CCDC171: variants seen among roughly 807,000 people sequenced by gnomAD.
The protein encoded by CCDC171 is coiled-coil domain-containing protein 171.
In CCDC171, 177 loss-of-function variants were observed where a neutral mutation model predicts 168.2. That is an observed-to-expected ratio of 1.05 (90% CI 0.93 to 1.19). The LOEUF (loss-of-function observed/expected upper bound fraction) is 1.19, where lower values mean the gene tolerates loss of function less well. Ranked by LOEUF, CCDC171 falls within the 50% of genes most tolerant of loss-of-function variation. CCDC171 has a pLI of 0.00. For missense variants in CCDC171, 1,991 were observed against 1,539.0 expected, an observed-to-expected ratio of 1.29 and a Z score of -4.91; for synonymous variants, 687 against 540.8, an observed-to-expected ratio of 1.27 and a Z score of -3.75.
At chr9:15,628,938 T>C (rs528940651) in intron 7 of CCDC171, among the ~76,000 whole-genome samples, 1 of 152,290 alleles carries the variant, frequency 6.6e-6, no homozygotes, top group African/African-American at 2.4e-5. Context: ...AGTGGACCTC[T>C]AGCAAACTCC....
intron 6 of CCDC171, among the ~76,000 whole-genome samples, chr9:15,621,414 A>G (rs1036142591): frequency 1.8e-4 from 28 of 152,224 alleles, no homozygotes; most frequent in Admixed American, 1.6e-3. Flanking sequence ...ATTGCAATAT[A>G]TGCTTTATGG....
intron 21 of CCDC171, among the ~76,000 whole-genome samples, chr9:15,833,598 G>T (rs1260825010): frequency 6.6e-6 from 1 of 152,056 alleles, no homozygotes; most frequent in African/African-American, 2.4e-5. Flanking sequence ...CTTATGACTT[G>T]TATTTGCTTT....
intron 7 of CCDC171, among the ~76,000 whole-genome samples, chr9:15,629,115 G>C (rs2045446826): frequency 6.6e-6 from 1 of 152,100 alleles, no homozygotes. Context: ...ACTCTAAAAA[G>C]CAGAGCGCCT....
At chr9:15,642,862 C>A (rs1226137139) in intron 7 of CCDC171, among the ~76,000 whole-genome samples, 6 of 152,120 alleles carry the variant, frequency 3.9e-5, no homozygotes, top group South Asian at 2.1e-4. Context: ...AAAACTAGAT[C>A]ATTAATTAAC....
intron 7 of CCDC171, among the ~76,000 whole-genome samples, chr9:15,627,479 G>A (rs981563270): frequency 2.6e-5 from 4 of 151,836 alleles, no homozygotes; most frequent in African/African-American, 7.3e-5. Flanking sequence ...CCCTCTACAC[G>A]CTGGTTTGAA....
chr9:15,650,937 A>G (rs1044510356), intron 7 of CCDC171, among the ~76,000 whole-genome samples: 3 of 152,016 alleles, frequency 2.0e-5, no homozygotes, highest in South Asian at 2.1e-4. Context: ...CTACTCTGCT[A>G]TCTAACTTTA....
chr9:15,583,953 C>T (rs768178854), intron 4 of CCDC171, among the ~76,000 whole-genome samples: 10 of 152,082 alleles, frequency 6.6e-5, no homozygotes, highest in Non-Finnish European at 1.0e-4. Context: ...CTGCAACCAC[C>T]GCCTCCCGGG....
chr9:15,642,917 A>G lies in CCDC171; in HGVS notation c.823-14210A>G, dbSNP rs1476269594. Among the ~76,000 whole-genome samples the G allele has an allele frequency of 2.0e-5, 3 of 152,166 alleles. No individual in the cohort carries two copies. In the South Asian group the frequency reaches 6.2e-4, roughly 31 times the overall value. On this transcript the variant is annotated intron_variant, in intron 7 of 25. Coordinates refer to ENST00000380701, the MANE Select transcript of CCDC171 (RefSeq NM_173550.4). ...AAGTGAAAACTTGAATTTTCGATTC[A>G]TTATAGAATCACTGAATATTCTGCA...
intron 8 of CCDC171, among the ~76,000 whole-genome samples, chr9:15,663,947 C>G (rs547960468): frequency 6.6e-6 from 1 of 152,080 alleles, no homozygotes; most frequent in African/African-American, 2.4e-5. Context: ...AAAGAATAAA[C>G]TCATGTATTT....
chr9:15,630,613 TC>T (rs1388280812), intron 7 of CCDC171, among the ~76,000 whole-genome samples: 10 of 152,164 alleles, frequency 6.6e-5, no homozygotes. Context: ...ATTAGACAGA[TC>T]AACTGGACAG....
intron 18 of CCDC171, among the ~76,000 whole-genome samples, chr9:15,754,893 G>C (rs73416261): frequency 2.6e-5 from 4 of 151,956 alleles, no homozygotes; most frequent in Admixed American, 2.0e-4. Flanking sequence ...ATAATAAATA[G>C]ATTTTGTAAA....
chr9:15,838,525 C>G (rs1250811923), intron 21 of CCDC171, among the ~76,000 whole-genome samples: 1 of 152,156 alleles, frequency 6.6e-6, no homozygotes, highest in African/African-American at 2.4e-5. Flanking sequence ...CCAAAGAACC[C>G]TTTCTTTAAA....
intron 21 of CCDC171, among the ~76,000 whole-genome samples, chr9:15,808,327 A>G (rs1055708008): frequency 4.6e-5 from 7 of 152,210 alleles, no homozygotes; most frequent in African/African-American, 1.4e-4. Flanking sequence ...TGCCTAAGGC[A>G]TTTGAATGCT....
intron 1 of CCDC171, among the ~76,000 whole-genome samples, chr9:16,046,513 T>C (rs532291674): frequency 3.3e-5 from 5 of 152,194 alleles, no homozygotes; most frequent in Non-Finnish European, 7.4e-5. Context: ...GACCTTGACA[T>C]TTGACACAGT....
intron 3 of CCDC171, among the ~76,000 whole-genome samples, chr9:15,979,642 CT>C (rs1831731140): frequency 6.6e-6 from 1 of 151,988 alleles, no homozygotes; most frequent in African/African-American, 2.4e-5. Flanking sequence ...ATAAATCTCA[CT>C]TGGTCATGGT....
At chr9:15,666,402 G>C (rs190352082) in intron 9 of CCDC171, 79 bp downstream of exon 9, 1 of 991,140 alleles carries the variant, frequency 1.0e-6, no homozygotes, top group East Asian at 2.6e-5. Context: ...TGTATACTAT[G>C]TATTTTAGAT....
chr9:15,562,682 G>A (rs2039406673), intron 1 of CCDC171, among the ~76,000 whole-genome samples: 1 of 152,144 alleles, frequency 6.6e-6, no homozygotes, highest in African/African-American at 2.4e-5. Flanking sequence ...GTTTATGCCT[G>A]TTGTGCTACC....
intron 3 of CCDC171, among the ~76,000 whole-genome samples, chr9:15,981,448 A>C (rs927478914): frequency 3.3e-5 from 5 of 152,202 alleles, no homozygotes; most frequent in Admixed American, 6.5e-5. Flanking sequence ...TTGCTTAAGC[A>C]ACCCAGTCTG....
intron 10 of CCDC171, among the ~76,000 whole-genome samples, chr9:15,681,786 G>C (rs1388634355): frequency 6.6e-6 from 1 of 152,018 alleles, no homozygotes; most frequent in African/African-American, 2.4e-5. Context: ...CAGTCTGGCT[G>C]TTATTTGTGC....
Sources: gnomAD v4.1 joint callset for allele counts (sites outside exome capture counted in the v4.1 genomes callset) on GRCh38, gnomAD v4.1.1 for gene constraint, MANE v1.5 for transcripts, NCBI Gene and HGNC (gene_info 2026-07-23, HGNC 2026-07-21) for gene names.